The following TOX variants were observed in gnomAD, a reference collection of about 807,000 sequenced individuals.
The protein encoded by TOX is thymocyte selection-associated high mobility group box protein TOX.
Under a neutral mutation model 53.7 loss-of-function variants are expected in TOX, and 11 were observed. That is an observed-to-expected ratio of 0.20 (90% CI 0.13 to 0.34). TOX has a LOEUF of 0.34. Ranked by LOEUF, TOX falls within the 10% of genes least tolerant of loss-of-function variation. The pLI is 1.00. For missense variants in TOX, 570 were observed against 664.6 expected (o/e 0.86, Z 1.56); for synonymous variants, 225 against 245.3 (o/e 0.92, Z 0.77).
chr8:58,853,093 G>T (rs1042887340), intron 3 of TOX, among the ~76,000 whole-genome samples: 5 of 152,262 alleles, frequency 3.3e-5, no homozygotes, highest in Admixed American at 6.5e-5. Context: ...GCCCCCATGT[G>T]TGCCCTGTGT....
At chr8:59,108,311 G>A (rs577807836) in intron 1 of TOX, among the ~76,000 whole-genome samples, 2 of 152,208 alleles carry the variant, frequency 1.3e-5, no homozygotes, top group South Asian at 2.1e-4. Context: ...TCAAATTCAC[G>A]TATATTGTGC....
intron 7 of TOX, among the ~76,000 whole-genome samples, chr8:58,809,470 T>A (rs1810041582): frequency 6.6e-6 from 1 of 152,194 alleles, no homozygotes; most frequent in Non-Finnish European, 1.5e-5. Context: ...GATATTAAGT[T>A]TATTTCCTAT....
At chr8:58,843,446 AT>A (rs1378062750) in intron 4 of TOX, among the ~76,000 whole-genome samples, 3 of 152,214 alleles carry the variant, frequency 2.0e-5, no homozygotes, top group Non-Finnish European at 4.4e-5. Flanking sequence ...AGACTTACAT[AT>A]GGGGGAAAAA....
At chr8:59,082,796 C>T (rs1804432959) in intron 1 of TOX, among the ~76,000 whole-genome samples, 1 of 152,146 alleles carries the variant, frequency 6.6e-6, no homozygotes. Context: ...AATATATCCT[C>T]ATTTGCGTAC....
intron 1 of TOX, among the ~76,000 whole-genome samples, chr8:59,074,145 T>C (rs1284233009): frequency 6.6e-6 from 1 of 152,198 alleles, no homozygotes; most frequent in Non-Finnish European, 1.5e-5. Flanking sequence ...ATGCTGTCTA[T>C]CTGTTCTCTG....
intron 3 of TOX, among the ~76,000 whole-genome samples, chr8:58,858,330 G>A (rs538920988): frequency 1.3e-5 from 2 of 152,312 alleles, no homozygotes; most frequent in South Asian, 2.1e-4. Context: ...CCTCCTTCAA[G>A]TATCTGCATC....
chr8:58,939,349 T>C lies in TOX; in HGVS notation c.364A>G (p.Asn122Asp). 6.2e-7 allele frequency: 1 copy of C among 1,614,102 alleles called. No homozygotes were observed. Among genetic ancestry groups the C allele is most frequent in the Non-Finnish European group, 8.5e-7 (1 of 1,180,008 alleles). Residue 122 changes from asparagine (N) to aspartate (D), a missense_variant, in exon 3 of 9, where the codon AAT (asparagine) becomes GAT (aspartate). Coordinates refer to ENST00000361421, the MANE Select transcript of TOX (RefSeq NM_014729.3). ...NMDLPEITVSNMLGQDGTLLS... is the reference protein window; with the variant it reads ...NMDLPEITVSDMLGQDGTLLS... ...AGTGTTCCATCCTGGCCCAGCATAT[T>C]GGAGACTGTGATTTCAGGGAGGTCC...
chr8:58,839,615 A>G (rs1190148806), intron 4 of TOX, among the ~76,000 whole-genome samples: 2 of 152,258 alleles, frequency 1.3e-5, no homozygotes, highest in Admixed American at 6.5e-5. Flanking sequence ...CTCTAAAATT[A>G]TATGAGTCTA....
At chr8:58,999,616 G>A (rs1050006951) in intron 1 of TOX, among the ~76,000 whole-genome samples, 7 of 152,146 alleles carry the variant, frequency 4.6e-5, no homozygotes, top group African/African-American at 7.2e-5. Flanking sequence ...CTTTGAGGTA[G>A]GATGCTGGTA....
intron 4 of TOX, among the ~76,000 whole-genome samples, chr8:58,838,778 T>C (rs965320640): frequency 7.0e-6 from 1 of 142,328 alleles, no homozygotes; most frequent in African/African-American, 2.6e-5. Context: ...CTCAGCTCAC[T>C]GCAACCTCTG....
chr8:59,105,029 G>A (rs139463075), intron 1 of TOX, among the ~76,000 whole-genome samples: 20 of 152,204 alleles, frequency 1.3e-4, no homozygotes, highest in African/African-American at 4.8e-4. Flanking sequence ...TGCACTCTGT[G>A]TTCAAAAAAT....
chr8:59,084,639 G>A (rs1257621073), intron 1 of TOX, among the ~76,000 whole-genome samples: 1 of 152,122 alleles, frequency 6.6e-6, no homozygotes, highest in Non-Finnish European at 1.5e-5. Flanking sequence ...AGATTGGGAG[G>A]ACTCCTTTAA....
intron 1 of TOX, among the ~76,000 whole-genome samples, chr8:59,067,384 T>G (rs1417595211): frequency 6.6e-6 from 1 of 151,928 alleles, no homozygotes; most frequent in African/African-American, 2.4e-5. Flanking sequence ...TGAAACCCCA[T>G]CTCTACTAAA....
At chr8:59,055,197 A>G (rs1202189277) in intron 1 of TOX, among the ~76,000 whole-genome samples, 1 of 152,058 alleles carries the variant, frequency 6.6e-6, no homozygotes, top group African/African-American at 2.4e-5. Flanking sequence ...TCAAAGGGGG[A>G]GCTGTGCTCC....
intron 1 of TOX, among the ~76,000 whole-genome samples, chr8:59,111,343 TA>T (rs1805013861): frequency 6.6e-6 from 1 of 152,172 alleles, no homozygotes; most frequent in South Asian, 2.1e-4. Flanking sequence ...TTTAAAGCCC[TA>T]AGATTCTCAA....
chr8:58,922,885 G>A (rs1237915601), intron 3 of TOX, among the ~76,000 whole-genome samples: 5 of 152,216 alleles, frequency 3.3e-5, no homozygotes, highest in African/African-American at 9.6e-5. Flanking sequence ...TACGGCTAGA[G>A]TTTCCGAGCA....
At chr8:59,070,045 T>C (rs924359197) in intron 1 of TOX, among the ~76,000 whole-genome samples, 5 of 152,242 alleles carry the variant, frequency 3.3e-5, no homozygotes, top group African/African-American at 1.2e-4. Context: ...ATTTTCAAGA[T>C]GGAAGAGACA....
intron 3 of TOX, among the ~76,000 whole-genome samples, chr8:58,938,536 C>T (rs1812384439): frequency 6.6e-6 from 1 of 151,966 alleles, no homozygotes; most frequent in Non-Finnish European, 1.5e-5. Flanking sequence ...GGGGTATAGA[C>T]AGAGAAATTA....
intron 1 of TOX, among the ~76,000 whole-genome samples, chr8:58,973,264 T>A (rs899884393): frequency 6.6e-6 from 1 of 152,238 alleles, no homozygotes; most frequent in Non-Finnish European, 1.5e-5. Context: ...GATCCCATTA[T>A]ATTCTATTTT....
Sources: gnomAD v4.1 joint callset for allele counts (sites outside exome capture counted in the v4.1 genomes callset) on GRCh38, gnomAD v4.1.1 for gene constraint, MANE v1.5 for transcripts, NCBI Gene and HGNC (gene_info 2026-07-23, HGNC 2026-07-21) for gene names.